The following EPHA6 variants were observed in gnomAD, a reference collection of about 807,000 sequenced individuals.
The protein encoded by EPHA6 is ephrin type-A receptor 6.
In EPHA6, 50 loss-of-function variants were observed where a neutral mutation model predicts 112.0. That is an observed-to-expected ratio of 0.45 (90% CI 0.36 to 0.56). The LOEUF is 0.56. EPHA6 is among the 20% of genes least tolerant of loss of function. EPHA6 has a pLI of 0.00. For synonymous variants in EPHA6, 529 were observed against 490.7 expected (o/e 1.08, Z -1.03); for missense variants, 1,280 against 1,417.4 (o/e 0.90, Z 1.56).
intron 5 of EPHA6, among the ~76,000 whole-genome samples, chr3:97,277,400 G>A (rs551441362): frequency 3.9e-5 from 6 of 152,216 alleles, no homozygotes; most frequent in Middle Eastern, 3.4e-3. Context: ...AAGGAATTTC[G>A]CAAGGTAATG....
chr3:97,218,287 A>C (rs2078090583), intron 3 of EPHA6, among the ~76,000 whole-genome samples: 1 of 152,004 alleles, frequency 6.6e-6, no homozygotes, highest in African/African-American at 2.4e-5. Flanking sequence ...AAAAAATGTA[A>C]AACCATTCTT....
At chr3:97,382,083 A>AT (rs1266485148) in intron 5 of EPHA6, among the ~76,000 whole-genome samples, 1 of 152,120 alleles carries the variant, frequency 6.6e-6, no homozygotes, top group Admixed American at 6.5e-5. Context: ...ACTATTTAGA[A>AT]ATGTATATTT....
At chr3:97,534,352 C>G (rs1048222307) in intron 11 of EPHA6, among the ~76,000 whole-genome samples, 1 of 151,878 alleles carries the variant, frequency 6.6e-6, no homozygotes, top group Non-Finnish European at 1.5e-5. Context: ...GTATGAGAAA[C>G]GAAGGCCCAG....
Position 97,646,536 on chromosome 3 carries a change from T to C in EPHA6, c.2784+8454T>C, listed in dbSNP as rs369332634. Among the ~76,000 whole-genome samples, 288 of 152,300 alleles carry C rather than the reference T, an allele frequency of 1.9e-3. 3 individuals are homozygous for C. The highest frequency in any genetic ancestry group is 6.5e-3 in the African/African-American group (272 of 41,596). ...TACACAGTTTATTATAGAGCGACCA[T>C]ATTTCAGGCACTATTCTTTGGAGGG... On this transcript the variant is annotated intron_variant, in intron 14 of 17. Transcript: ENST00000389672.
At chr3:97,275,956 T>A (rs1442019868) in intron 5 of EPHA6, among the ~76,000 whole-genome samples, 1 of 152,010 alleles carries the variant, frequency 6.6e-6, no homozygotes, top group Non-Finnish European at 1.5e-5. Flanking sequence ...CTCGACCTAA[T>A]AAGGGAGCTG....
intron 2 of EPHA6, among the ~76,000 whole-genome samples, chr3:96,947,690 AG>A (rs1157188635): frequency 1.3e-5 from 2 of 152,302 alleles, no homozygotes; most frequent in Admixed American, 1.3e-4. Flanking sequence ...CTAACTTACA[AG>A]GGATGTGAAG....
intron 2 of EPHA6, among the ~76,000 whole-genome samples, chr3:96,900,125 A>G (rs557902673): frequency 6.6e-6 from 1 of 152,314 alleles, no homozygotes; most frequent in African/African-American, 2.4e-5. Context: ...AGGACACTTG[A>G]GCCTCCTAGC....
chr3:97,169,791 A>G (rs1365700284), intron 3 of EPHA6, among the ~76,000 whole-genome samples: 2 of 152,178 alleles, frequency 1.3e-5, no homozygotes, highest in African/African-American at 2.4e-5. Flanking sequence ...TACTAAAAGT[A>G]AAATTTGTAA....
At chr3:97,587,207 C>G (rs2093498226) in intron 11 of EPHA6, among the ~76,000 whole-genome samples, 1 of 151,906 alleles carries the variant, frequency 6.6e-6, no homozygotes, top group Non-Finnish European at 1.5e-5. Context: ...CAAGATCACC[C>G]CTTAGCCTGG....
chr3:97,068,816 G>T (rs2046263446), intron 3 of EPHA6, among the ~76,000 whole-genome samples: 1 of 152,022 alleles, frequency 6.6e-6, no homozygotes, highest in Admixed American at 6.6e-5. Context: ...ACCGTCTGTG[G>T]ACATAAGGAG....
At chr3:96,957,857 G>A (rs996310178) in intron 2 of EPHA6, among the ~76,000 whole-genome samples, 1 of 151,976 alleles carries the variant, frequency 6.6e-6, no homozygotes, top group Non-Finnish European at 1.5e-5. Context: ...TTTTATTTAT[G>A]CATTCATCAG....
intron 6 of EPHA6, chr3:97,447,632 A>C (rs1286456471): frequency 3.5e-5 from 9 of 258,904 alleles, no homozygotes; most frequent in Non-Finnish European, 5.0e-5. Context: ...TATTGTGGAC[A>C]ATCTCTTACA....
At chr3:96,931,548 A>C (rs1205389817) in intron 2 of EPHA6, among the ~76,000 whole-genome samples, 3 of 152,282 alleles carry the variant, frequency 2.0e-5, no homozygotes, top group East Asian at 3.9e-4. Context: ...CCACTTAAAG[A>C]AGCAGTCTGG....
chr3:97,370,684 T>A (rs115163367), intron 5 of EPHA6, among the ~76,000 whole-genome samples: 146 of 152,332 alleles, frequency 9.6e-4, no homozygotes, highest in African/African-American at 3.2e-3. Flanking sequence ...TAACATGACA[T>A]GCCCAATTTC....
rs201564370 is a variant in EPHA6, at chr3:97,287,255, T to C, written c.1606+42968T>C. On this transcript the variant is annotated intron_variant, in intron 5 of 17. Coordinates refer to ENST00000389672, the MANE Select transcript of EPHA6 (RefSeq NM_001080448.3). ...TAATTTTTTTCTCTTGCCTGATTGC[T>C]CTGGCTAGGACTTGGCATCCTTGTC... Among the ~76,000 whole-genome samples the C allele has an allele frequency of 5.9e-5, 9 of 152,300 alleles. No individual in the cohort carries two copies. In the East Asian group the frequency reaches 1.5e-3, roughly 26 times the overall value.
At chr3:96,884,737 C>G (rs185763966) in intron 2 of EPHA6, among the ~76,000 whole-genome samples, 21 of 152,272 alleles carry the variant, frequency 1.4e-4, no homozygotes, top group African/African-American at 5.1e-4. Context: ...TCTGATTGCT[C>G]TAGCTAGGAG....
chr3:97,124,887 G>A (rs2048141706), intron 3 of EPHA6, among the ~76,000 whole-genome samples: 1 of 152,156 alleles, frequency 6.6e-6, no homozygotes, highest in South Asian at 2.1e-4. Flanking sequence ...TCAAATGCCA[G>A]CAAGGGGCAT....
At chr3:97,518,174 C>T (rs2092476766) in intron 10 of EPHA6, among the ~76,000 whole-genome samples, 1 of 152,096 alleles carries the variant, frequency 6.6e-6, no homozygotes, top group African/African-American at 2.4e-5. Flanking sequence ...TATCATTTTC[C>T]ATAATTGCTG....
At chr3:96,930,496 T>C (rs760755200) in intron 2 of EPHA6, among the ~76,000 whole-genome samples, 6 of 152,182 alleles carry the variant, frequency 3.9e-5, no homozygotes, top group African/African-American at 1.4e-4. Flanking sequence ...TATACCAAGG[T>C]TGCCTTAGAT....
Sources: allele counts gnomAD v4.1 joint callset (sites outside exome capture counted in the v4.1 genomes callset), GRCh38; gene constraint gnomAD v4.1.1; transcripts MANE v1.5; gene names NCBI Gene and HGNC (gene_info 2026-07-23, HGNC 2026-07-21).